ASTN2: variants seen among roughly 807,000 people sequenced by gnomAD.
ASTN2 encodes astrotactin-2.
Under a neutral mutation model 139.8 loss-of-function variants are expected in ASTN2, and 54 were observed. The ratio of observed to expected loss-of-function variants is 0.39; its 90% CI spans 0.31 to 0.48. ASTN2 has a LOEUF of 0.48. ASTN2 is among the 20% of genes least tolerant of loss of function. The pLI is 0.95. For missense variants in ASTN2, 1,565 were observed against 1,725.1 expected (o/e 0.91, Z 1.64); for synonymous variants, 756 against 719.5 (o/e 1.05, Z -0.81).
At chr9:117,261,568 A>C (rs1833823610) in intron 2 of ASTN2, among the ~76,000 whole-genome samples, 1 of 152,144 alleles carries the variant, frequency 6.6e-6, no homozygotes, top group Non-Finnish European at 1.5e-5. Flanking sequence ...AAACAAAAGA[A>C]TGTTGAACTC....
At chr9:116,743,335 G>A (rs1014019721) in intron 13 of ASTN2, among the ~76,000 whole-genome samples, 13 of 152,170 alleles carry the variant, frequency 8.5e-5, no homozygotes, top group African/African-American at 2.4e-5. Flanking sequence ...CAGATCTTGA[G>A]GTCAGGAGAT....
intron 1 of ASTN2, among the ~76,000 whole-genome samples, chr9:117,383,691 A>T (rs1301542380): frequency 6.6e-6 from 1 of 152,168 alleles, no homozygotes; most frequent in Non-Finnish European, 1.5e-5. Flanking sequence ...TGGAAAAAAT[A>T]TATATATTTA....
intron 4 of ASTN2, among the ~76,000 whole-genome samples, chr9:117,134,955 G>A (rs12554661): frequency 0.2 from 30,580 of 152,132 alleles, 3,480 homozygotes; most frequent in Middle Eastern, 0.33. Flanking sequence ...GCTCCCTGGG[G>A]TTAGTTAAAA....
At chr9:116,877,656 C>G (rs1833338433) in intron 10 of ASTN2, among the ~76,000 whole-genome samples, 1 of 152,030 alleles carries the variant, frequency 6.6e-6, no homozygotes, top group Non-Finnish European at 1.5e-5. Context: ...GAAACCAAAC[C>G]AGCCTGTGGT....
At chr9:117,044,316 G>A (rs1283230857) in intron 5 of ASTN2, among the ~76,000 whole-genome samples, 2 of 152,178 alleles carry the variant, frequency 1.3e-5, no homozygotes, top group Non-Finnish European at 2.9e-5. Context: ...GCATTGTGGG[G>A]CCCCATTTAC....
At chr9:116,833,073 TAA>T (rs1242558030) in intron 11 of ASTN2, among the ~76,000 whole-genome samples, 2 of 152,082 alleles carry the variant, frequency 1.3e-5, no homozygotes, top group Non-Finnish European at 2.9e-5. Flanking sequence ...AGTGACAAAA[TAA>T]ATTTCCTTAA....
chr9:116,949,256 A>T (rs1237865722), intron 10 of ASTN2, among the ~76,000 whole-genome samples: 2 of 152,184 alleles, frequency 1.3e-5, no homozygotes, highest in African/African-American at 2.4e-5. Context: ...GGCCACCCAA[A>T]GAGCTCTAGT....
At chr9:116,916,387 A>G (rs1834447226) in intron 10 of ASTN2, among the ~76,000 whole-genome samples, 1 of 152,198 alleles carries the variant, frequency 6.6e-6, no homozygotes, top group Non-Finnish European at 1.5e-5. Flanking sequence ...GATGGTTACT[A>G]TATGATTGTT....
chr9:117,032,268 G>C (rs1017134550), intron 6 of ASTN2, among the ~76,000 whole-genome samples: 1 of 152,080 alleles, frequency 6.6e-6, no homozygotes, highest in Admixed American at 6.6e-5. Context: ...ATGATGGAGA[G>C]GAATGTACAA....
chr9:116,526,319 A>T (rs1851087184), intron 19 of ASTN2, among the ~76,000 whole-genome samples: 1 of 152,184 alleles, frequency 6.6e-6, no homozygotes, highest in Non-Finnish European at 1.5e-5. Context: ...TGAGTAGTAA[A>T]TGTGACAAAA....
At chr9:116,681,494 T>C (rs920124389) in intron 16 of ASTN2, among the ~76,000 whole-genome samples, 12 of 152,198 alleles carry the variant, frequency 7.9e-5, no homozygotes, top group Admixed American at 3.3e-4. Context: ...AAGCTACCAA[T>C]GACTTTCTTC....
chr9:117,400,764 C>T (rs1274489696), intron 1 of ASTN2, among the ~76,000 whole-genome samples: 3 of 152,036 alleles, frequency 2.0e-5, no homozygotes, highest in African/African-American at 4.8e-5. Flanking sequence ...TCCTGGGCTC[C>T]TAGGATCACT....
intron 10 of ASTN2, among the ~76,000 whole-genome samples, chr9:116,918,469 C>G (rs1834514266): frequency 6.6e-6 from 1 of 152,204 alleles, no homozygotes; most frequent in Non-Finnish European, 1.5e-5. Context: ...TCTCCCAGCT[C>G]TTCCCTGAAT....
chr9:117,149,597 C>G (rs1453798496), intron 3 of ASTN2, among the ~76,000 whole-genome samples: 1 of 152,034 alleles, frequency 6.6e-6, no homozygotes, highest in Non-Finnish European at 1.5e-5. Flanking sequence ...CTAAGGTACA[C>G]CTAAGCTGGG....
At chr9:117,287,511 A>C (rs922706631) in intron 2 of ASTN2, among the ~76,000 whole-genome samples, 3 of 152,210 alleles carry the variant, frequency 2.0e-5, no homozygotes, top group African/African-American at 7.2e-5. Flanking sequence ...TTGCCACTTA[A>C]CCTTTGTGTG....
At chr9:116,483,676 G>A (rs10817897) in intron 20 of ASTN2, among the ~76,000 whole-genome samples, 45,154 of 151,992 alleles carry the variant, frequency 0.3, 7,692 homozygotes, top group Admixed American at 0.43. Flanking sequence ...AGGCAGAGAC[G>A]CAGAGAGGCA....
At chr9:116,762,086 C>G (rs184569491) in intron 13 of ASTN2, among the ~76,000 whole-genome samples, 1 of 152,172 alleles carries the variant, frequency 6.6e-6, no homozygotes, top group Non-Finnish European at 1.5e-5. Flanking sequence ...CAGTGAAGAA[C>G]TAATGAGATA....
intron 4 of ASTN2, among the ~76,000 whole-genome samples, chr9:117,123,379 A>G (rs1829607755): frequency 6.6e-6 from 1 of 152,110 alleles, no homozygotes; most frequent in Admixed American, 6.5e-5. Flanking sequence ...AATCTGGTTC[A>G]AATCCAGGTT....
intron 4 of ASTN2, among the ~76,000 whole-genome samples, chr9:117,100,504 T>C (rs1220150763): frequency 1.3e-5 from 2 of 152,218 alleles, no homozygotes; most frequent in African/African-American, 4.8e-5. Context: ...TAACATAAAG[T>C]TATTACCGAA....
Sources: allele counts gnomAD v4.1 joint callset (sites outside exome capture counted in the v4.1 genomes callset), GRCh38; gene constraint gnomAD v4.1.1; transcripts MANE v1.5; gene names NCBI Gene and HGNC (gene_info 2026-07-23, HGNC 2026-07-21).